NCALD: variants seen among roughly 807,000 people sequenced by gnomAD.
The protein encoded by NCALD is neurocalcin delta, also known as neurocalcin-delta.
A neutral mutation model predicts 18.6 loss-of-function variants in NCALD; 10 were observed. The observed-to-expected ratio is 0.54, with a 90% confidence interval of 0.33 to 0.91. The LOEUF (loss-of-function observed/expected upper bound fraction) is 0.91, where lower values mean the gene tolerates loss of function less well. Among genes scored for constraint, NCALD ranks in the 40% least tolerant of loss-of-function variants. NCALD has a pLI of 0.03. For synonymous variants in NCALD, 88 were observed against 87.4 expected (o/e 1.01, Z -0.04); for missense variants, 184 against 247.6 (o/e 0.74, Z 1.72).
chr8:102,009,034 A>G (rs1007906993), intron 2 of NCALD, among the ~76,000 whole-genome samples: 3 of 152,134 alleles, frequency 2.0e-5, no homozygotes, highest in Non-Finnish European at 4.4e-5. Context: ...TTCAAAAAAT[A>G]AAAAAGTGGA....
At chr8:102,110,246 C>A (rs1348463703) in intron 1 of NCALD, among the ~76,000 whole-genome samples, 1 of 151,860 alleles carries the variant, frequency 6.6e-6, no homozygotes, top group African/African-American at 2.4e-5. Context: ...TTCATTTTAA[C>A]TGATATGAAA....
intron 2 of NCALD, among the ~76,000 whole-genome samples, chr8:101,991,974 T>C (rs1037817283): frequency 2.6e-5 from 4 of 152,332 alleles, no homozygotes; most frequent in Non-Finnish European, 4.4e-5. Context: ...TCTTCTGATA[T>C]TGGAGCAAAC....
intron 4 of NCALD, among the ~76,000 whole-genome samples, chr8:101,845,523 C>T (rs533551023): frequency 2.6e-4 from 39 of 152,286 alleles, no homozygotes; most frequent in Admixed American, 2.4e-3. Flanking sequence ...ATTTCAAATA[C>T]TCTTTCTTTT....
chr8:101,720,245 C>T (rs1222697625), intron 1 of NCALD, among the ~76,000 whole-genome samples: 4 of 152,094 alleles, frequency 2.6e-5, no homozygotes, highest in South Asian at 2.1e-4. Flanking sequence ...GGGATTTAAA[C>T]GCATGGAATA....
At chr8:102,099,732 T>C (rs925076871) in intron 1 of NCALD, among the ~76,000 whole-genome samples, 4 of 151,664 alleles carry the variant, frequency 2.6e-5, no homozygotes, top group Non-Finnish European at 5.9e-5. Context: ...TTGCCTGAGG[T>C]CAGGAGTTTG....
chr8:101,723,215 TGTGCTAGTTGAACATAG>T (rs1206340572), intron 1 of NCALD, among the ~76,000 whole-genome samples: 4 of 152,244 alleles, frequency 2.6e-5, no homozygotes, highest in African/African-American at 9.6e-5. Context: ...ACATTTATTT[TGTGCTAGTTGAACATAG>T]GTATGACAGG....
chr8:101,691,560 T>C, intron 3 of NCALD: 1 of 985,404 alleles, frequency 1.0e-6, no homozygotes, highest in Non-Finnish European at 1.2e-6. Flanking sequence ...TGAGTACCAG[T>C]AAAACCTGCA....
chr8:101,989,208 A>C (rs938786934), intron 2 of NCALD, among the ~76,000 whole-genome samples: 9 of 152,218 alleles, frequency 5.9e-5, no homozygotes, highest in African/African-American at 2.2e-4. Context: ...GATTTATAAC[A>C]AGTACAGGTG....
intron 4 of NCALD, among the ~76,000 whole-genome samples, chr8:101,816,593 T>C (rs1271455705): frequency 1.3e-5 from 2 of 152,194 alleles, no homozygotes; most frequent in East Asian, 1.9e-4. Flanking sequence ...TCCTGTGTCA[T>C]ATAAAACTTG....
At chr8:102,027,968 T>G (rs545774307) in intron 1 of NCALD, among the ~76,000 whole-genome samples, 12 of 152,276 alleles carry the variant, frequency 7.9e-5, no homozygotes, top group African/African-American at 2.9e-4. Flanking sequence ...TTCAATTACC[T>G]GACACAAAGG....
intron 2 of NCALD, among the ~76,000 whole-genome samples, chr8:101,972,501 C>T (rs1002891951): frequency 6.6e-6 from 1 of 152,148 alleles, no homozygotes; most frequent in Non-Finnish European, 1.5e-5. Flanking sequence ...GGCTCAGAAC[C>T]CACTTTTCAA....
intron 4 of NCALD, among the ~76,000 whole-genome samples, chr8:101,846,882 C>T (rs183844491): frequency 4.3e-4 from 66 of 152,228 alleles, no homozygotes; most frequent in Non-Finnish European, 8.7e-4. Context: ...TCAACACAGG[C>T]GATCATGGTG....
intron 2 of NCALD, among the ~76,000 whole-genome samples, chr8:101,948,551 A>T (rs538838018): frequency 3.3e-5 from 5 of 152,362 alleles, no homozygotes; most frequent in South Asian, 2.1e-4. Context: ...TGTGGAAGTC[A>T]TTAGCATATA....
chr8:101,882,306 A>T lies in NCALD; in HGVS notation c.-20+4835T>A, dbSNP rs138649629. 2.3e-3 allele frequency among the ~76,000 whole-genome samples: 354 copies of T among 152,274 alleles called. 3 individuals carry two copies. The highest frequency in any genetic ancestry group is 7.8e-3 in the African/African-American group (326 of 41,556). On this transcript the variant is annotated intron_variant, in intron 4 of 6. Coordinates refer to the NCALD transcript ENST00000311028. ...TCCTAACCCCCAAGGTGATTATATT[A>T]GGAGGTGGAGTTTGGGGCAGCTGAT...
At chr8:101,795,516 G>A (rs777307324), upstream of NCALD, among the ~76,000 whole-genome samples, 2 of 152,104 alleles carry the variant, frequency 1.3e-5, no homozygotes, top group Admixed American at 6.5e-5. Flanking sequence ...CACACAGGAC[G>A]AAGACAGCTA....
intron 1 of NCALD, among the ~76,000 whole-genome samples, chr8:101,765,708 C>T (rs1160344055): frequency 1.3e-5 from 2 of 152,138 alleles, no homozygotes; most frequent in Non-Finnish European, 2.9e-5. Context: ...GGGACCGCAA[C>T]AGCGAGCAGG....
At chr8:101,974,285 C>CT (rs1163967580) in intron 2 of NCALD, among the ~76,000 whole-genome samples, 1 of 152,142 alleles carries the variant, frequency 6.6e-6, no homozygotes, top group Non-Finnish European at 1.5e-5. Context: ...ATTTGGAAGA[C>CT]TTTTTAAATT....
intron 4 of NCALD, among the ~76,000 whole-genome samples, chr8:101,886,165 C>T (rs1816668117): frequency 6.6e-6 from 1 of 152,180 alleles, no homozygotes; most frequent in African/African-American, 2.4e-5. Flanking sequence ...ACTGGACTAC[C>T]AAATTTGGAA....
chr8:101,903,182 G>A (rs927540345), intron 3 of NCALD, among the ~76,000 whole-genome samples: 2 of 149,722 alleles, frequency 1.3e-5, no homozygotes, highest in African/African-American at 5.0e-5. Context: ...AGACAGCAGT[G>A]GTTTACTTTT....
Sources: allele counts gnomAD v4.1 joint callset (sites outside exome capture counted in the v4.1 genomes callset), GRCh38; gene constraint gnomAD v4.1.1; transcripts MANE v1.5; gene names NCBI Gene and HGNC (gene_info 2026-07-23, HGNC 2026-07-21).